GAS7: variants seen among roughly 807,000 people sequenced by gnomAD.
The protein encoded by GAS7 is growth arrest specific 7, also known as growth arrest-specific protein 7.
GAS7 carries 28 observed loss-of-function variants against 71.1 expected under a neutral mutation model. The ratio of observed to expected loss-of-function variants is 0.39; its 90% CI spans 0.29 to 0.54. The LOEUF (loss-of-function observed/expected upper bound fraction) is 0.54. Among genes scored for constraint, GAS7 ranks in the 20% least tolerant of loss-of-function variants. GAS7 has a pLI of 0.62. For missense variants in GAS7, 436 were observed against 627.8 expected, an observed-to-expected ratio of 0.69 and a Z score of 3.27; for synonymous variants, 258 against 245.8, an observed-to-expected ratio of 1.05 and a Z score of -0.46.
chr17:10,052,226 C>T (rs575977170), intron 1 of GAS7, among the ~76,000 whole-genome samples: 1 of 152,180 alleles, frequency 6.6e-6, no homozygotes, highest in Non-Finnish European at 1.5e-5. Flanking sequence ...ACTTTCCCAT[C>T]ATACCTGAGA....
chr17:10,183,231 C>G (rs1180956471), intron 1 of GAS7, among the ~76,000 whole-genome samples: 1 of 152,028 alleles, frequency 6.6e-6, no homozygotes, highest in African/African-American at 2.4e-5. Flanking sequence ...AGGCCCCACC[C>G]CAGACCTACT....
chr17:10,095,497 C>T (rs2073631578), intron 1 of GAS7, among the ~76,000 whole-genome samples: 1 of 152,154 alleles, frequency 6.6e-6, no homozygotes, highest in Admixed American at 6.5e-5. Flanking sequence ...AAAATTCATC[C>T]TTTGAAGGTC....
chr17:10,005,034 T>TAC (rs2071417419), intron 2 of GAS7, among the ~76,000 whole-genome samples: 1 of 135,622 alleles, frequency 7.4e-6, no homozygotes, highest in African/African-American at 3.6e-5. Flanking sequence ...TCTCTCTATA[T>TAC]ATACATACAT....
At chr17:10,142,024 C>A (rs1450107716) in intron 1 of GAS7, among the ~76,000 whole-genome samples, 1 of 151,812 alleles carries the variant, frequency 6.6e-6, no homozygotes, top group Non-Finnish European at 1.5e-5. Flanking sequence ...GTCAGGAGAT[C>A]AAGACCATCC....
In GAS7 at chr17:9,912,968, G is replaced by T. The variant is rs1214306743; in HGVS notation, c.*4260C>A. 1 of 232,940 alleles carries T rather than the reference G, an allele frequency of 4.3e-6. No individual in the cohort carries two copies. Among genetic ancestry groups the T allele is most frequent in the Non-Finnish European group, 8.5e-6 (1 of 117,922 alleles). The allele number at this position is 232,940 out of a possible 1,614,324, so 14.4% of individuals were successfully genotyped here. ...ATGCCAGACTCAAAAGGCGACATCA[G>T]TGTGACTCCATTTATATGACATTCT... is the stretch of plus-strand genomic sequence containing the variant. On this transcript the variant is annotated 3_prime_UTR_variant, in exon 14 of 14. Transcript: ENST00000432992.
chr17:10,091,444 G>A lies in GAS7; in HGVS notation c.184-71547C>T, dbSNP rs1234561490. 3.9e-5 allele frequency among the ~76,000 whole-genome samples: 6 copies of A among 152,204 alleles called. No homozygotes were observed. In the East Asian group the frequency reaches 9.7e-4, roughly 25 times the overall value. ...TGCTCTGTCCCCAGGCTAGAGCACG[G>A]TGGTGGGATCTCAGCTCACTGCAAC... On this transcript the variant is annotated intron_variant, in intron 1 of 13. Transcript: ENST00000432992.
intron 1 of GAS7, among the ~76,000 whole-genome samples, chr17:10,069,049 T>G (rs921645276): frequency 8.5e-5 from 13 of 152,158 alleles, no homozygotes; most frequent in African/African-American, 3.1e-4. Context: ...GCAGACTCCC[T>G]GAAGAAATCC....
intron 1 of GAS7, among the ~76,000 whole-genome samples, chr17:10,021,069 A>G (rs2072248164): frequency 6.6e-6 from 1 of 152,222 alleles, no homozygotes; most frequent in African/African-American, 2.4e-5. Context: ...TTAGCTAAAG[A>G]ACATTTTAAA....
intron 1 of GAS7, among the ~76,000 whole-genome samples, chr17:10,181,359 CA>C (rs71365733): frequency 2.0e-4 from 28 of 137,714 alleles, no homozygotes; most frequent in Non-Finnish European, 2.1e-4. Flanking sequence ...GACTCCACCT[CA>C]AAAAAAAAAA....
chr17:9,957,949 G>A (rs1040501984), intron 5 of GAS7, among the ~76,000 whole-genome samples: 2 of 152,224 alleles, frequency 1.3e-5, no homozygotes, highest in Non-Finnish European at 2.9e-5. Flanking sequence ...GTGACCGTGA[G>A]CAAGGTGCGG....
chr17:9,982,162 G>T (rs1446516907), intron 2 of GAS7, among the ~76,000 whole-genome samples: 1 of 152,082 alleles, frequency 6.6e-6, no homozygotes, highest in Non-Finnish European at 1.5e-5. Flanking sequence ...TGGACTTCCT[G>T]TTGAGATGTC....
chr17:9,978,854 C>T (rs555157105), intron 3 of GAS7, among the ~76,000 whole-genome samples: 1 of 152,298 alleles, frequency 6.6e-6, no homozygotes, highest in African/African-American at 2.4e-5. Context: ...CAGCGCTGAA[C>T]TGAGGCTCTG....
chr17:9,940,855 C>T (rs2068577632), intron 7 of GAS7, among the ~76,000 whole-genome samples: 1 of 152,230 alleles, frequency 6.6e-6, no homozygotes, highest in Admixed American at 6.5e-5. Context: ...CCTGTATTAT[C>T]TGGCACGTCC....
chr17:10,141,309 G>A (rs538558617), intron 1 of GAS7, among the ~76,000 whole-genome samples: 120 of 152,284 alleles, frequency 7.9e-4, no homozygotes, highest in African/African-American at 2.6e-3. Context: ...TTAGCCTAGC[G>A]TGGTGGCGGG....
chr17:10,168,313 T>C (rs1446622429), intron 1 of GAS7, among the ~76,000 whole-genome samples: 1 of 152,198 alleles, frequency 6.6e-6, no homozygotes, highest in Non-Finnish European at 1.5e-5. Context: ...AATAATAGCT[T>C]GGTTTTCTTT....
chr17:10,012,097 T>G (rs1455095873), intron 2 of GAS7, among the ~76,000 whole-genome samples: 1 of 152,100 alleles, frequency 6.6e-6, no homozygotes, highest in African/African-American at 2.4e-5. Flanking sequence ...AAGTAAAATC[T>G]TGACTAATAC....
intron 1 of GAS7, among the ~76,000 whole-genome samples, chr17:10,045,117 A>G (rs1007386234): frequency 1.3e-5 from 2 of 152,022 alleles, no homozygotes; most frequent in South Asian, 2.1e-4. Context: ...GGTGTGTCTC[A>G]TTTATCTTGG....
intron 1 of GAS7, among the ~76,000 whole-genome samples, chr17:10,030,715 T>C (rs796511160): frequency 2.0e-5 from 3 of 152,236 alleles, no homozygotes; most frequent in South Asian, 4.1e-4. Context: ...GCAAATGTCC[T>C]CCGGCCTCTT....
At chr17:10,092,145 C>A (rs563846360) in intron 1 of GAS7, among the ~76,000 whole-genome samples, 2 of 152,112 alleles carry the variant, frequency 1.3e-5, no homozygotes, top group African/African-American at 2.4e-5. Context: ...TCTCTGACTT[C>A]GCACATGTAT....
Sources: allele counts gnomAD v4.1 joint callset (sites outside exome capture counted in the v4.1 genomes callset), GRCh38; gene constraint gnomAD v4.1.1; transcripts MANE v1.5; gene names NCBI Gene and HGNC (gene_info 2026-07-23, HGNC 2026-07-21).